MYT1L: variants seen among roughly 807,000 people sequenced by gnomAD.
The protein encoded by MYT1L is myelin transcription factor 1-like protein.
In MYT1L, 12 loss-of-function variants were observed where a neutral mutation model predicts 126.7. That is an observed-to-expected ratio of 0.09 (90% CI 0.06 to 0.15). The LOEUF (loss-of-function observed/expected upper bound fraction) is 0.15. Ranked by LOEUF, MYT1L falls within the 10% of genes least tolerant of loss-of-function variation. MYT1L has a pLI of 1.00. For missense variants in MYT1L, 979 were observed against 1,585.2 expected (o/e 0.62, Z 6.49); for synonymous variants, 541 against 604.2 (o/e 0.90, Z 1.53).
rs1351800817 is a variant in MYT1L at position 1,943,182 on chromosome 2, T to A, written c.305A>T (p.Lys102Met). Residue 102 changes from lysine (K) to methionine (M), a missense_variant, in exon 9 of 25, where the codon AAG (lysine) becomes ATG (methionine). By Grantham distance (95) the Lys-to-Met change is moderately conservative (BLOSUM62 -1). This residue lies in a region of MYT1L where 111 missense variants were observed against 115.9 expected (regional missense o/e 0.96). Transcript: ENST00000647738. This position sits in a 1 kb window ranked among gnomAD's most constrained non-coding sequence, Gnocchi z 4.4. ...GTACTCCTCCCCCTCATCCTCCTCC[T>A]TCTCATCCATGTCCTCAGTCCCATC... ...DSDGTEDMDE[K>M]EEDEGEEYSE... 1.3e-6 allele frequency: 2 copies of A among 1,551,452 alleles called. No individual in the cohort carries two copies. The highest frequency in any genetic ancestry group is 1.7e-6 in the Non-Finnish European group (2 of 1,146,892).
At chr2:2,265,657 G>A (rs1034259328) in intron 2 of MYT1L, among the ~76,000 whole-genome samples, 39 of 152,246 alleles carry the variant, frequency 2.6e-4, no homozygotes, top group African/African-American at 7.7e-4. Context: ...GGTTGTGACC[G>A]TGAGAAAGAT....
At chr2:2,278,099 G>GT (rs2095393002) in intron 2 of MYT1L, among the ~76,000 whole-genome samples, 1 of 152,194 alleles carries the variant, frequency 6.6e-6, no homozygotes, top group Non-Finnish European at 1.5e-5. Flanking sequence ...AAAGCGGAAA[G>GT]TAAAAATAAA....
At chr2:1,794,193 A>G (rs1379910028) in intron 23 of MYT1L, among the ~76,000 whole-genome samples, 1 of 152,170 alleles carries the variant, frequency 6.6e-6, no homozygotes, top group African/African-American at 2.4e-5. Context: ...GCTTTCCTAG[A>G]CGGTGGCTGC....
intron 3 of MYT1L, among the ~76,000 whole-genome samples, chr2:2,093,849 T>C (rs1311904211): frequency 2.0e-5 from 3 of 152,192 alleles, no homozygotes; most frequent in Admixed American, 6.5e-5. Flanking sequence ...CTTTAATCCA[T>C]CTTGAATTAA....
chr2:1,845,654 C>T (rs2042398007), intron 19 of MYT1L, among the ~76,000 whole-genome samples: 2 of 152,202 alleles, frequency 1.3e-5, no homozygotes, highest in Non-Finnish European at 2.9e-5. Flanking sequence ...CTTTTGACAC[C>T]TGCCGTCTCT....
rs533791556 is a variant in MYT1L at position 2,164,198 on chromosome 2, T to C, written c.-304+8674A>G. On this transcript the variant is annotated intron_variant, in intron 3 of 24. Transcript: ENST00000647738. ...TAAGGCCATATATGTGAATAGGCGTTTGTTTTTTGTTTTTCATTGTGTTTT... is the reference window on the plus strand; with the variant it reads ...TAAGGCCATATATGTGAATAGGCGTCTGTTTTTTGTTTTTCATTGTGTTTT... Among the ~76,000 whole-genome samples, 4 of 152,238 alleles carry C rather than the reference T, an allele frequency of 2.6e-5. No homozygotes were observed. The South Asian group carries it at 8.3e-4, about 32-fold the overall frequency.
At chr2:2,091,516 C>T (rs2076919891) in intron 3 of MYT1L, among the ~76,000 whole-genome samples, 1 of 152,086 alleles carries the variant, frequency 6.6e-6, no homozygotes, top group Non-Finnish European at 1.5e-5. Flanking sequence ...ATTAAGGGCC[C>T]TAGGATTTTT....
chr2:2,329,977 T>A (rs1227952512), intron 1 of MYT1L, among the ~76,000 whole-genome samples: 1 of 152,124 alleles, frequency 6.6e-6, no homozygotes, highest in African/African-American at 2.4e-5. Context: ...TGCTGTTTTT[T>A]TTTTTGAAAA....
intron 2 of MYT1L, among the ~76,000 whole-genome samples, chr2:2,261,146 T>C (rs1020652915): frequency 2.8e-4 from 42 of 148,690 alleles, no homozygotes; most frequent in Admixed American, 2.4e-3. Context: ...TGAGTGCGTG[T>C]GTGTGTGTGT....
At chr2:2,293,413 A>G (rs2095628086) in intron 1 of MYT1L, among the ~76,000 whole-genome samples, 1 of 152,168 alleles carries the variant, frequency 6.6e-6, no homozygotes, top group East Asian at 1.9e-4. Context: ...CCCCACGCTG[A>G]CTGTGCTCCT....
intron 1 of MYT1L, among the ~76,000 whole-genome samples, chr2:2,288,577 A>G (rs2095555921): frequency 6.6e-6 from 1 of 152,326 alleles, no homozygotes; most frequent in South Asian, 2.1e-4. Context: ...ATCATTATGT[A>G]TTGATTGCTT....
At chr2:1,839,504 A>G (rs991612760) in intron 20 of MYT1L, 134 bp from the exon 21 acceptor site, 3 of 752,532 alleles carry the variant, frequency 4.0e-6, no homozygotes, top group African/African-American at 1.8e-5. Context: ...AAAGGAAAAG[A>G]AAAAAGAGAA....
chr2:2,070,864 A>G lies in MYT1L; in HGVS notation c.-303-16741T>C, dbSNP rs562877514. The stretch of plus-strand genomic sequence containing the variant: ...GGAAAAGTCATTTAATATCGATTTG[A>G]ATATTCATGTGTGGGAAGTGTCTAC... On this transcript the variant is annotated intron_variant, in intron 3 of 24. Coordinates refer to ENST00000647738, the MANE Select transcript of MYT1L (RefSeq NM_001303052.2). Among the ~76,000 whole-genome samples the G allele has an allele frequency of 2.0e-5, 3 of 152,302 alleles. No individual in the cohort carries two copies. In the East Asian group the frequency reaches 5.8e-4, roughly 29 times the overall value.
chr2:1,976,119 C>CAAAAAAA (rs10622987), intron 8 of MYT1L, among the ~76,000 whole-genome samples: 4 of 104,240 alleles, frequency 3.8e-5, no homozygotes, highest in African/African-American at 9.9e-5. Context: ...GTTAAAAGAC[C>CAAAAAAA]AAAAAAAAAA....
chr2:2,304,894 C>T (rs2095838710), intron 1 of MYT1L, among the ~76,000 whole-genome samples: 1 of 152,176 alleles, frequency 6.6e-6, no homozygotes, highest in Non-Finnish European at 1.5e-5. Context: ...CTTGTGGGTG[C>T]CACTAGCCAC....
At chr2:2,047,726 G>T (rs568131751) in intron 4 of MYT1L, among the ~76,000 whole-genome samples, 1 of 152,320 alleles carries the variant, frequency 6.6e-6, no homozygotes, top group South Asian at 2.1e-4. Flanking sequence ...GGAAGATGCT[G>T]CTAGTTATTT....
intron 8 of MYT1L, among the ~76,000 whole-genome samples, chr2:1,974,051 G>A (rs981178840): frequency 1.1e-4 from 16 of 152,300 alleles, no homozygotes; most frequent in African/African-American, 3.4e-4. Flanking sequence ...ACGGTACACC[G>A]GGACAGCTTC....
intron 3 of MYT1L, among the ~76,000 whole-genome samples, chr2:2,116,905 T>G (rs1187742807): frequency 6.6e-6 from 1 of 152,204 alleles, no homozygotes; most frequent in African/African-American, 2.4e-5. Flanking sequence ...GCCCAGCAGT[T>G]GTCAGAAGAC....
intron 4 of MYT1L, among the ~76,000 whole-genome samples, chr2:2,008,875 G>A (rs770803747): frequency 6.6e-6 from 1 of 151,992 alleles, no homozygotes; most frequent in Non-Finnish European, 1.5e-5. Context: ...TATAAGACAA[G>A]GATCCAATTT....
Sources: gnomAD v4.1 joint callset for allele counts (sites outside exome capture counted in the v4.1 genomes callset) on GRCh38, gnomAD v4.1.1 for gene constraint, gnomAD v4.1.1 regional missense constraint, Gnocchi (gnomAD v3.1) non-coding constraint, MANE v1.5 for transcripts, NCBI Gene and HGNC (gene_info 2026-07-23, HGNC 2026-07-21) for gene names.